Variants in STXBP4 observed in about 807,000 individuals in gnomAD.
STXBP4 encodes syntaxin binding protein 4.
In STXBP4, 55 loss-of-function variants were observed where a neutral mutation model predicts 76.1. That is an observed-to-expected ratio of 0.72 (90% confidence interval 0.58 to 0.91). The LOEUF is 0.91. Among genes scored for constraint, STXBP4 ranks in the 40% least tolerant of loss-of-function variants. STXBP4 has a pLI of 0.00. For synonymous variants in STXBP4, 201 were observed against 220.2 expected, an observed-to-expected ratio of 0.91 and a Z score of 0.77; for missense variants, 618 against 636.9, an observed-to-expected ratio of 0.97 and a Z score of 0.32.
At chr17:55,047,679 G>A (rs928941290) in intron 12 of STXBP4, among the ~76,000 whole-genome samples, 3 of 151,542 alleles carry the variant, frequency 2.0e-5, no homozygotes, top group Admixed American at 2.0e-4. Flanking sequence ...AAACCCAAAT[G>A]ACAAAATATA....
chr17:55,083,272 G>A (rs1364730893), intron 16 of STXBP4, among the ~76,000 whole-genome samples: 1 of 151,798 alleles, frequency 6.6e-6, no homozygotes, highest in Non-Finnish European at 1.5e-5. Flanking sequence ...CACCACACCC[G>A]GCCAGAAAAG....
At chr17:55,194,270 G>A in the STXBP4 span, among the ~76,000 whole-genome samples, 1 of 152,008 alleles carries the variant, frequency 6.6e-6, no homozygotes, top group Non-Finnish European at 1.5e-5. Context: ...CTGAGAAGTT[G>A]GGGCAATATG....
At chr17:55,023,916 C>CAAAAAAAA (rs61454264) in intron 8 of STXBP4, among the ~76,000 whole-genome samples, 11 of 62,238 alleles carry the variant, frequency 1.8e-4, no homozygotes, top group East Asian at 4.8e-4. Context: ...GGCCCTTTTC[C>CAAAAAAAA]AAAAAAAAAA....
At chr17:55,089,238 G>A (rs746145066) in intron 16 of STXBP4, among the ~76,000 whole-genome samples, 2 of 152,100 alleles carry the variant, frequency 1.3e-5, no homozygotes, top group African/African-American at 2.4e-5. Context: ...GACTACTGCT[G>A]GTGCCACATT....
intron 1 of STXBP4, among the ~76,000 whole-genome samples, chr17:54,983,773 G>A (rs148934036): frequency 2.0e-5 from 3 of 152,196 alleles, no homozygotes; most frequent in East Asian, 1.9e-4. Flanking sequence ...TGCTCCATGC[G>A]TGTATCATTA....
At chr17:55,209,860 C>G in the STXBP4 span, among the ~76,000 whole-genome samples, 195 of 152,332 alleles carry the variant, frequency 1.3e-3, 7 homozygotes, top group East Asian at 0.025. Flanking sequence ...TGGAATCAGG[C>G]TCTTCATTCT....
chr17:55,013,249 T>G (rs2078144618), intron 8 of STXBP4, among the ~76,000 whole-genome samples: 1 of 152,218 alleles, frequency 6.6e-6, no homozygotes, highest in Non-Finnish European at 1.5e-5. Flanking sequence ...CTGTTTCTGT[T>G]TTTTTCTGTG....
chr17:55,186,628 C>G, the STXBP4 span, among the ~76,000 whole-genome samples: 1 of 152,098 alleles, frequency 6.6e-6, no homozygotes, highest in Non-Finnish European at 1.5e-5. Context: ...GAATTCTTGG[C>G]TTAGAGAAGA....
intron 11 of STXBP4, chr17:55,044,198 A>G (rs2078753190): frequency 6.6e-6 from 1 of 152,066 alleles, no homozygotes; most frequent in African/African-American, 2.4e-5. Flanking sequence ...TTAGAAGAAT[A>G]TTACATTTAA....
the STXBP4 span, among the ~76,000 whole-genome samples, chr17:55,207,145 A>T: frequency 0.86 from 130,317 of 152,096 alleles, 56,341 homozygotes; most frequent in East Asian, 0.96. Flanking sequence ...AGTCCAGTGG[A>T]TCTCTACGCA....
At chr17:55,076,886 C>A (rs971931821) in intron 13 of STXBP4, among the ~76,000 whole-genome samples, 4 of 152,064 alleles carry the variant, frequency 2.6e-5, no homozygotes, top group Non-Finnish European at 5.9e-5. Context: ...CCTCTGTTGT[C>A]AAGTTCACCC....
chr17:55,064,993 A>G (rs1359210607), intron 12 of STXBP4, among the ~76,000 whole-genome samples: 7 of 152,036 alleles, frequency 4.6e-5, no homozygotes, highest in Non-Finnish European at 8.8e-5. Flanking sequence ...TACACTTTAC[A>G]CTGTTTTTCC....
chr17:55,120,734 T>C (rs1016045944), intron 16 of STXBP4, among the ~76,000 whole-genome samples: 1 of 152,188 alleles, frequency 6.6e-6, no homozygotes, highest in African/African-American at 2.4e-5. Context: ...AGGGAGTGCA[T>C]TGGAGACTGA....
intron 16 of STXBP4, among the ~76,000 whole-genome samples, chr17:55,125,494 A>AAAAAAAAAAAAAAAAAC (rs2079900513): frequency 6.7e-6 from 1 of 149,008 alleles, no homozygotes; most frequent in Non-Finnish European, 1.5e-5. Flanking sequence ...AAAAAAAAAA[A>AAAAAAAAAAAAAAAAAC]AAAAAATACA....
chr17:55,194,045 A>G, the STXBP4 span, among the ~76,000 whole-genome samples: 44 of 152,118 alleles, frequency 2.9e-4, no homozygotes, highest in Non-Finnish European at 6.0e-4. Context: ...CTCCTATTGC[A>G]TGGTGCTTCT....
rs540042733 is a variant in STXBP4 at position 55,132,001 on chromosome 17, A to T, written c.1490-9309A>T. On this transcript the variant is annotated intron_variant, in intron 16 of 17. Coordinates refer to ENST00000376352, the MANE Select transcript of STXBP4 (RefSeq NM_178509.6). ...ACTTCCCAAAGTGCTGAGGTTACAAATGTGAGCCACTGCACCTGGGCAACA... is the reference window on the plus strand; with the variant it reads ...ACTTCCCAAAGTGCTGAGGTTACAATTGTGAGCCACTGCACCTGGGCAACA... Among the ~76,000 whole-genome samples, 143 of 152,196 alleles carry T rather than the reference A, an allele frequency of 9.4e-4. 1 individual carries two copies. Among genetic ancestry groups the T allele is most frequent in the African/African-American group, 3.4e-3 (141 of 41,520 alleles).
chr17:55,049,032 G>A (rs899547159), intron 12 of STXBP4, among the ~76,000 whole-genome samples: 2 of 151,858 alleles, frequency 1.3e-5, no homozygotes, highest in African/African-American at 4.8e-5. Context: ...ACTTATGAAG[G>A]CAATAGAATT....
At chr17:55,119,857 C>T (rs1306640068) in intron 16 of STXBP4, among the ~76,000 whole-genome samples, 1 of 151,900 alleles carries the variant, frequency 6.6e-6, no homozygotes, top group Non-Finnish European at 1.5e-5. Flanking sequence ...TATTTAAATA[C>T]CTCAAACAAA....
intron 3 of STXBP4, among the ~76,000 whole-genome samples, chr17:54,988,810 G>T (rs2077665729): frequency 6.6e-6 from 1 of 152,018 alleles, no homozygotes; most frequent in Non-Finnish European, 1.5e-5. Context: ...GTGCATTTTG[G>T]ACCCTTGGAC....
Sources: gnomAD v4.1 joint callset for allele counts (sites outside exome capture counted in the v4.1 genomes callset) on GRCh38, gnomAD v4.1.1 for gene constraint, MANE v1.5 for transcripts, NCBI Gene and HGNC (gene_info 2026-07-23, HGNC 2026-07-21) for gene names.